EPHA3: variants seen among roughly 807,000 people sequenced by gnomAD.
EPHA3 encodes the protein ephrin type-A receptor 3.
Under a neutral mutation model 107.1 loss-of-function variants are expected in EPHA3, and 42 were observed. The ratio of observed to expected loss-of-function variants is 0.39; its 90% confidence interval spans 0.31 to 0.51. EPHA3 has a LOEUF of 0.51. Ranked by LOEUF, EPHA3 falls within the 20% of genes least tolerant of loss-of-function variation. The pLI is 0.78. For synonymous variants in EPHA3, 461 were observed against 424.8 expected (o/e 1.09, Z -1.05); for missense variants, 1,183 against 1,211.2 (o/e 0.98, Z 0.35).
At chr3:89,309,597 C>A (rs777880426) in intron 3 of EPHA3, among the ~76,000 whole-genome samples, 11 of 152,066 alleles carry the variant, frequency 7.2e-5, no homozygotes, top group Non-Finnish European at 1.0e-4. Flanking sequence ...ACTAGCCTAT[C>A]CCATATTGGG....
In EPHA3 at chr3:89,210,518, A is replaced by G. The variant is rs1439645986; in HGVS notation, c.812A>G (p.Gln271Arg). 1 of 1,539,972 alleles carries G rather than the reference A, an allele frequency of 6.5e-7. No individual in the cohort carries two copies. The highest frequency in any genetic ancestry group is 2.3e-5 in the East Asian group (1 of 44,372). The change falls in exon 3 of 17, where the codon CAA becomes CGA. Residue 271 changes from glutamine to arginine, a missense_variant and splice_region_variant. Transcript: ENST00000336596. ...TATGAAGAAAGAGGTTTTATGTGCC[A>G]AGGTAAGAGCCTTCTCTATTTTTCT... ...AGYEERGFMCQACRPGFYKAL... is the reference protein window; with the variant it reads ...AGYEERGFMCRACRPGFYKAL...
At position 89,110,025 on chromosome 3, in the gene EPHA3, C is replaced by T. The variant is rs538024669; in HGVS notation, c.88+2189C>T. On this transcript the variant is annotated intron_variant, in intron 1 of 16. Coordinates refer to ENST00000336596, the MANE Select transcript of EPHA3 (RefSeq NM_005233.6). Reference sequence around the variant, plus strand: ...GAAAAGTGAAAATGCCAAGTATGTGCCAAGATTTCCGTGCAATTTTTCTAA... The same window carrying T: ...GAAAAGTGAAAATGCCAAGTATGTGTCAAGATTTCCGTGCAATTTTTCTAA... Among the ~76,000 whole-genome samples the T allele has an allele frequency of 9.9e-5, 15 of 151,968 alleles. No homozygotes were observed. The South Asian group carries it at 2.9e-3, about 29-fold the overall frequency.
chr3:89,233,888 C>A (rs541628371), intron 3 of EPHA3, among the ~76,000 whole-genome samples: 17 of 152,292 alleles, frequency 1.1e-4, no homozygotes, highest in Admixed American at 3.9e-4. Flanking sequence ...AACCAAATTA[C>A]TAGTGTCATA....
In EPHA3 at chr3:89,115,184, C is replaced by T. The variant is rs1468078662; in HGVS notation, c.88+7348C>T. The stretch of plus-strand genomic sequence containing the variant: ...GCTGATTTCTAACCCTATCCCTTTA[C>T]TATTTCTTCATCTTTTGGGCATTCA... On this transcript the variant is annotated intron_variant, in intron 1 of 16. Coordinates refer to ENST00000336596, the MANE Select transcript of EPHA3 (RefSeq NM_005233.6). 2.0e-5 allele frequency among the ~76,000 whole-genome samples: 3 copies of T among 152,036 alleles called. No homozygotes were observed. In the East Asian group the frequency reaches 5.8e-4, roughly 29 times the overall value.
chr3:89,297,233 A>G (rs1192053916), intron 3 of EPHA3, among the ~76,000 whole-genome samples: 1 of 152,178 alleles, frequency 6.6e-6, no homozygotes, highest in African/African-American at 2.4e-5. Flanking sequence ...TAAGAGGCCT[A>G]TCTTTTAGCT....
At chr3:89,145,112 T>C (rs1300376159) in intron 2 of EPHA3, among the ~76,000 whole-genome samples, 2 of 151,792 alleles carry the variant, frequency 1.3e-5, no homozygotes, top group East Asian at 3.9e-4. Context: ...TTTGTTTTCT[T>C]GATAGAGGAG....
chr3:89,390,590 A>G (rs1320701822), intron 5 of EPHA3, among the ~76,000 whole-genome samples: 1 of 121,176 alleles, frequency 8.3e-6, no homozygotes, highest in Non-Finnish European at 1.7e-5. Flanking sequence ...ACAGAGCGAG[A>G]CTCCGTTTCC....
intron 16 of EPHA3, among the ~76,000 whole-genome samples, chr3:89,477,261 A>G (rs1318048617): frequency 6.6e-6 from 1 of 152,118 alleles, no homozygotes; most frequent in Non-Finnish European, 1.5e-5. Context: ...ATTCCCATAC[A>G]TCCCCACTAG....
chr3:89,137,101 T>G lies in EPHA3; in HGVS notation c.153+9828T>G, dbSNP rs144878663. Among the ~76,000 whole-genome samples the G allele has an allele frequency of 8.5e-4, 129 of 152,116 alleles. 1 individual carries two copies. The East Asian group carries it at 0.014, about 16-fold the overall frequency. Reference sequence around the variant, plus strand: ...TATTCAATTCATTATACATTAAATGTGTTGAAACATGCAAAATAGTGTATG... The same window carrying G: ...TATTCAATTCATTATACATTAAATGGGTTGAAACATGCAAAATAGTGTATG... On this transcript the variant is annotated intron_variant, in intron 2 of 16. Coordinates refer to ENST00000336596, the MANE Select transcript of EPHA3 (RefSeq NM_005233.6).
At chr3:89,435,671 G>A (rs1447347960) in intron 13 of EPHA3, among the ~76,000 whole-genome samples, 1 of 147,350 alleles carries the variant, frequency 6.8e-6, no homozygotes, top group Non-Finnish European at 1.5e-5. Flanking sequence ...AAATAATATA[G>A]GACAGGTGCG....
At chr3:89,435,904 G>A (rs1311628623) in intron 13 of EPHA3, among the ~76,000 whole-genome samples, 1 of 150,634 alleles carries the variant, frequency 6.6e-6, no homozygotes, top group African/African-American at 2.4e-5. Flanking sequence ...AGCGAACGGA[G>A]ATTGTGCCAT....
chr3:89,350,782 C>A (rs1009634241), intron 5 of EPHA3, among the ~76,000 whole-genome samples: 15 of 151,084 alleles, frequency 9.9e-5, no homozygotes, highest in African/African-American at 3.4e-4. Context: ...TGGTGATGTA[C>A]AGATGGGTTT....
intron 10 of EPHA3, among the ~76,000 whole-genome samples, chr3:89,415,456 T>C (rs1249205698): frequency 9.4e-6 from 1 of 106,098 alleles, no homozygotes; most frequent in African/African-American, 3.7e-5. Context: ...GTCAATTAAA[T>C]TTACAGAAAG....
intron 3 of EPHA3, among the ~76,000 whole-genome samples, chr3:89,253,242 C>T (rs1202461839): frequency 6.6e-6 from 1 of 152,016 alleles, no homozygotes; most frequent in Non-Finnish European, 1.5e-5. Context: ...AACTATACCT[C>T]ACTTTAGGGA....
intron 3 of EPHA3, among the ~76,000 whole-genome samples, chr3:89,248,085 T>A (rs1384730106): frequency 2.0e-5 from 3 of 152,218 alleles, no homozygotes; most frequent in African/African-American, 7.2e-5. Context: ...GTCACCTTAC[T>A]ATTTATCTCA....
chr3:89,116,524 A>C (rs1228872460), intron 1 of EPHA3, among the ~76,000 whole-genome samples: 1 of 152,132 alleles, frequency 6.6e-6, no homozygotes, highest in Non-Finnish European at 1.5e-5. Flanking sequence ...GGTAGCTAAA[A>C]CAGGCTTTTG....
intron 5 of EPHA3, among the ~76,000 whole-genome samples, chr3:89,348,117 AT>A (rs1707717524): frequency 2.0e-5 from 3 of 146,926 alleles, no homozygotes; most frequent in Admixed American, 1.4e-4. Context: ...TATCAGAATG[AT>A]GCTGGCCTCA....
At chr3:89,201,224 G>A (rs1705960836) in intron 2 of EPHA3, among the ~76,000 whole-genome samples, 2 of 151,992 alleles carry the variant, frequency 1.3e-5, no homozygotes, top group Non-Finnish European at 2.9e-5. Context: ...CAAACAAGCA[G>A]ATCTCATGAG....
chr3:89,454,309 T>A (rs1216948782), intron 15 of EPHA3, among the ~76,000 whole-genome samples: 2 of 152,098 alleles, frequency 1.3e-5, no homozygotes, highest in East Asian at 3.9e-4. Context: ...TCTGAAAATT[T>A]ATCAATTTTC....
Sources: allele counts gnomAD v4.1 joint callset (sites outside exome capture counted in the v4.1 genomes callset), GRCh38; gene constraint gnomAD v4.1.1; transcripts MANE v1.5; gene names NCBI Gene and HGNC (gene_info 2026-07-23, HGNC 2026-07-21).